The following GOLM2 variants were observed in gnomAD, a reference collection of about 807,000 sequenced individuals.
GOLM2 encodes the protein golgi membrane protein 2.
In GOLM2, 26 loss-of-function variants were observed where a neutral mutation model predicts 55.9. The observed-to-expected ratio is 0.47, with a 90% confidence interval of 0.34 to 0.65. The LOEUF (loss-of-function observed/expected upper bound fraction) is 0.65. GOLM2 is among the 30% of genes least tolerant of loss of function. The probability of loss-of-function intolerance (pLI) is 0.01; values close to 1 mark genes in which losing one functional copy is unlikely to be tolerated. For missense variants in GOLM2, 486 were observed against 531.8 expected, an observed-to-expected ratio of 0.91 and a Z score of 0.85; for synonymous variants, 165 against 194.6, an observed-to-expected ratio of 0.85 and a Z score of 1.27.
chr15:44,304,230 C>CTTCTTTTTTTTTTTT (rs1301281420), intron 1 of GOLM2, among the ~76,000 whole-genome samples: 9 of 82,874 alleles, frequency 1.1e-4, no homozygotes, highest in East Asian at 4.3e-4. Flanking sequence ...GGCTCCACTT[C>CTTCTTTTTTTTTTTT]TTTTTTTTTT....
chr15:44,289,093 C>T lies in GOLM2; in HGVS notation c.64C>T (p.Leu22=). 6.2e-7 allele frequency: 1 copy of T among 1,614,140 alleles called. No homozygotes were observed. The highest frequency in any genetic ancestry group is 8.5e-7 in the Non-Finnish European group (1 of 1,179,998). Reference sequence around the variant, plus strand: ...GCCCTCTCTCGTGCTGGTGGTGCTGCTGGTGGTGATCGTCGTCCTCGCCTT... The same window carrying T: ...GCCCTCTCTCGTGCTGGTGGTGCTGTTGGTGGTGATCGTCGTCCTCGCCTT... The part of the protein sequence containing the change: ...RLPSLVLVVL[L]VVIVVLAFNY... The change falls in exon 1 of 10, where the codon CTG becomes TTG. Residue 22 remains leucine, a synonymous_variant. Coordinates refer to ENST00000299957, the MANE Select transcript of GOLM2 (RefSeq NM_138423.4). The surrounding 1 kb of genome is among the most constrained non-coding windows in gnomAD (Gnocchi z 4.8).
chr15:44,411,205 A>T (rs1255730610), intron 9 of GOLM2, among the ~76,000 whole-genome samples: 1 of 151,382 alleles, frequency 6.6e-6, no homozygotes, highest in Admixed American at 6.6e-5. Context: ...TATTTTTAGT[A>T]GAGACTGGGT....
intron 6 of GOLM2, among the ~76,000 whole-genome samples, chr15:44,352,045 T>A (rs2079168323): frequency 6.6e-6 from 1 of 152,160 alleles, no homozygotes; most frequent in Non-Finnish European, 1.5e-5. Context: ...AAATATGACA[T>A]TCTTCCCAGA....
intron 6 of GOLM2, among the ~76,000 whole-genome samples, chr15:44,347,895 T>C (rs2079135919): frequency 6.6e-6 from 1 of 152,272 alleles, no homozygotes; most frequent in African/African-American, 2.4e-5. Flanking sequence ...GGGTACCAAG[T>C]AGAGTTGTGA....
chr15:44,376,198 C>G (rs184923436), intron 6 of GOLM2, among the ~76,000 whole-genome samples: 85 of 152,316 alleles, frequency 5.6e-4, no homozygotes, highest in African/African-American at 2.0e-3. Flanking sequence ...CGCGCCATTG[C>G]ACTCCAGCCT....
intron 6 of GOLM2, among the ~76,000 whole-genome samples, chr15:44,369,425 G>A (rs1296830758): frequency 6.6e-6 from 1 of 151,276 alleles, no homozygotes; most frequent in African/African-American, 2.4e-5. Context: ...TTTATATTAT[G>A]TTCTATAACT....
chr15:44,362,647 C>T (rs1463568801), intron 6 of GOLM2, among the ~76,000 whole-genome samples: 2 of 152,134 alleles, frequency 1.3e-5, no homozygotes, highest in Non-Finnish European at 2.9e-5. Flanking sequence ...AATGCCATCC[C>T]CATCAAACTA....
intron 6 of GOLM2, among the ~76,000 whole-genome samples, chr15:44,344,708 A>G (rs2079111800): frequency 6.6e-6 from 1 of 151,990 alleles, no homozygotes; most frequent in Non-Finnish European, 1.5e-5. Context: ...CTTCTGCCTT[A>G]CCTTCTAGAG....
intron 6 of GOLM2, among the ~76,000 whole-genome samples, chr15:44,360,235 C>G (rs1401945475): frequency 6.6e-6 from 1 of 151,992 alleles, no homozygotes; most frequent in African/African-American, 2.4e-5. Context: ...ACTAAATGCT[C>G]CAATTAAAAG....
Position 44,397,606 on chromosome 15 carries a change from C to T in GOLM2, c.1073-5281C>T, listed in dbSNP as rs534396565. On this transcript the variant is annotated intron_variant, in intron 8 of 9. Coordinates refer to ENST00000299957, the MANE Select transcript of GOLM2 (RefSeq NM_138423.4). ...TTTCTCTTCTTAAATATTGTCATTC[C>T]CCAAGATCACTTCTTTGACTTATAG... is the stretch of plus-strand genomic sequence containing the variant. Among the ~76,000 whole-genome samples, 45 of 151,600 alleles carry T rather than the reference C, an allele frequency of 3.0e-4. No individual in the cohort carries two copies. In the South Asian group the frequency reaches 9.0e-3, roughly 30 times the overall value.
At chr15:44,310,512 A>ACACACC in intron 1 of GOLM2, among the ~76,000 whole-genome samples, 1 of 149,324 alleles carries the variant, frequency 6.7e-6, no homozygotes, top group African/African-American at 2.5e-5. Flanking sequence ...CCACACACAC[A>ACACACC]CACACACACA....
At chr15:44,294,442 C>T (rs1316642594) in intron 1 of GOLM2, among the ~76,000 whole-genome samples, 6 of 151,970 alleles carry the variant, frequency 3.9e-5, no homozygotes, top group African/African-American at 1.2e-4. Flanking sequence ...GGGCCAGACA[C>T]GGTGGCTCAC....
intron 6 of GOLM2, among the ~76,000 whole-genome samples, chr15:44,343,670 A>C (rs535915325): frequency 6.6e-6 from 1 of 151,552 alleles, no homozygotes; most frequent in African/African-American, 2.4e-5. Context: ...TACTAAAAAT[A>C]CAAAATTAGC....
chr15:44,396,675 A>G (rs1278120081), intron 8 of GOLM2, among the ~76,000 whole-genome samples: 1 of 152,190 alleles, frequency 6.6e-6, no homozygotes, highest in African/African-American at 2.4e-5. Context: ...AAGCGCGTTA[A>G]ATGCCTAATT....
intron 1 of GOLM2, among the ~76,000 whole-genome samples, chr15:44,320,343 G>A (rs774576260): frequency 6.6e-6 from 1 of 151,922 alleles, no homozygotes; most frequent in Non-Finnish European, 1.5e-5. Flanking sequence ...CTGTCTCCCA[G>A]GCTGGAGTAC....
At chr15:44,338,168 A>G in intron 5 of GOLM2, 69 bp from the exon 6 acceptor site, 6 of 1,447,398 alleles carry the variant, frequency 4.1e-6, no homozygotes, top group Non-Finnish European at 9.6e-7. Context: ...TGATTGTTAC[A>G]TTCCTTCAAA....
intron 2 of GOLM2, among the ~76,000 whole-genome samples, chr15:44,323,851 T>C (rs904755343): frequency 3.9e-5 from 6 of 152,218 alleles, no homozygotes; most frequent in Admixed American, 3.9e-4. Context: ...TTAGCTGGCT[T>C]TGTAATGTAG....
chr15:44,342,504 C>A (rs975818524), intron 6 of GOLM2, among the ~76,000 whole-genome samples: 2 of 152,046 alleles, frequency 1.3e-5, no homozygotes, highest in African/African-American at 4.8e-5. Flanking sequence ...TAGGCTCAAG[C>A]AGTCCTCCCA....
At chr15:44,323,674 G>A (rs2078965457) in intron 2 of GOLM2, among the ~76,000 whole-genome samples, 3 of 151,630 alleles carry the variant, frequency 2.0e-5, no homozygotes, top group Non-Finnish European at 4.4e-5. Flanking sequence ...ACACCCTTTG[G>A]TTATAATACT....
Sources: allele counts gnomAD v4.1 joint callset (sites outside exome capture counted in the v4.1 genomes callset), GRCh38; gene constraint gnomAD v4.1.1; non-coding constraint Gnocchi (gnomAD v3.1); transcripts MANE v1.5; gene names NCBI Gene and HGNC (gene_info 2026-07-23, HGNC 2026-07-21).